ODR4: variants seen among roughly 807,000 people sequenced by gnomAD.
ODR4 encodes the protein protein odr-4 homolog.
ODR4 carries 47 observed loss-of-function variants against 60.2 expected under a neutral mutation model. The observed-to-expected ratio is 0.78, with a 90% CI of 0.62 to 1.00. ODR4 has a LOEUF of 1.00. Ranked by LOEUF, ODR4 falls within the 50% of genes least tolerant of loss-of-function variation. ODR4 has a pLI of 0.00. For synonymous variants in ODR4, 178 were observed against 175.5 expected (o/e 1.01, Z -0.11); for missense variants, 488 against 530.8 (o/e 0.92, Z 0.79).
At chr1:186,411,777 T>A in intron 12 of ODR4, 1 of 639,890 alleles carries the variant, frequency 1.6e-6, no homozygotes, top group Middle Eastern at 7.9e-4. Context: ...TAAAAATTAT[T>A]TACTGTCTAT....
intron 11 of ODR4, among the ~76,000 whole-genome samples, chr1:186,403,100 A>G (rs939179688): frequency 2.6e-5 from 4 of 152,220 alleles, no homozygotes; most frequent in African/African-American, 9.6e-5. Context: ...GCATATTTCA[A>G]ACAGAAATAA....
intron 1 of ODR4, among the ~76,000 whole-genome samples, 161 bp downstream of exon 1, chr1:186,376,135 TTGG>T (rs1270781614): frequency 1.3e-5 from 2 of 152,024 alleles, no homozygotes; most frequent in South Asian, 2.1e-4. Context: ...TAAATGGTTT[TTGG>T]TGGTGGGGAG....
At chr1:186,432,449 AT>A in the ODR4 span, among the ~76,000 whole-genome samples, 1 of 152,112 alleles carries the variant, frequency 6.6e-6, no homozygotes, top group Non-Finnish European at 1.5e-5. Flanking sequence ...CCTGTGTAAA[AT>A]AATGTTTCTT....
chr1:186,407,585 A>G (rs1489126035), intron 12 of ODR4, among the ~76,000 whole-genome samples: 1 of 152,106 alleles, frequency 6.6e-6, no homozygotes, highest in Non-Finnish European at 1.5e-5. Context: ...GGGGATTCAG[A>G]TTCTATTCTT....
At chr1:186,414,663 G>T (rs1360146922) in intron 12 of ODR4, among the ~76,000 whole-genome samples, 1 of 151,934 alleles carries the variant, frequency 6.6e-6, no homozygotes, top group Non-Finnish European at 1.5e-5. Flanking sequence ...GGGACTACAG[G>T]TGCCTGCCAC....
At chr1:186,403,190 A>G (rs1661051233) in intron 11 of ODR4, among the ~76,000 whole-genome samples, 1 of 152,200 alleles carries the variant, frequency 6.6e-6, no homozygotes, top group South Asian at 2.1e-4. Flanking sequence ...TATCAAGATA[A>G]AAGAATACAT....
At chr1:186,393,464 T>C (rs1331284400) in intron 8 of ODR4, among the ~76,000 whole-genome samples, 5 of 152,256 alleles carry the variant, frequency 3.3e-5, no homozygotes, top group African/African-American at 1.2e-4. Context: ...AAGAGGTTTA[T>C]AGAGGCTTCT....
At chr1:186,391,285 A>G (rs1212900324) in intron 7 of ODR4, among the ~76,000 whole-genome samples, 1 of 149,650 alleles carries the variant, frequency 6.7e-6, no homozygotes, top group Non-Finnish European at 1.5e-5. Flanking sequence ...GTATTTCTAT[A>G]CCATTCTTTT....
chr1:186,376,246 A>G (rs1023595151), intron 1 of ODR4, among the ~76,000 whole-genome samples: 1 of 152,166 alleles, frequency 6.6e-6, no homozygotes, highest in South Asian at 2.1e-4. Context: ...AGTGTAGCCT[A>G]TGTTTTAAAT....
chr1:186,408,851 A>G (rs1281983857), intron 12 of ODR4, among the ~76,000 whole-genome samples: 1 of 151,996 alleles, frequency 6.6e-6, no homozygotes. Context: ...GAATAGGAAG[A>G]GAGAGTCATT....
the ODR4 span, among the ~76,000 whole-genome samples, chr1:186,433,887 T>C: frequency 6.6e-6 from 1 of 152,108 alleles, no homozygotes; most frequent in Non-Finnish European, 1.5e-5. Flanking sequence ...CCAGTTGCAG[T>C]GTTTTTAATA....
intron 8 of ODR4, among the ~76,000 whole-genome samples, chr1:186,392,216 G>A (rs1329964806): frequency 6.6e-6 from 1 of 152,204 alleles, no homozygotes; most frequent in African/African-American, 2.4e-5. Context: ...CATTGTGGAA[G>A]GCAGTGTGTT....
At chr1:186,383,705 A>T (rs1177818108) in intron 3 of ODR4, among the ~76,000 whole-genome samples, 2 of 151,076 alleles carry the variant, frequency 1.3e-5, no homozygotes, top group East Asian at 3.9e-4. Flanking sequence ...ATATGGACAT[A>T]TATTTGTGTC....
Position 186,391,786 on chromosome 1 carries a change from G to A in ODR4, c.706G>A (p.Gly236Arg). 6.4e-7 allele frequency: 1 copy of A among 1,558,322 alleles called. No homozygotes were observed. Among genetic ancestry groups the A allele is most frequent in the South Asian group, 1.1e-5 (1 of 87,396 alleles). The change falls in exon 8 of 14, where the codon GGA becomes AGA. Residue 236 changes from glycine to arginine, a missense_variant. By Grantham distance (125) the Gly-to-Arg change is moderately radical (BLOSUM62 -2). Transcript: ENST00000287859. Reference protein sequence around the residue: ...VKDEDCDLLEGQKKSSRGNTQ... With the variant: ...VKDEDCDLLERQKKSSRGNTQ... ...AGATGAAGATTGTGACCTATTAGAA[G>A]GACAGGTAAGTTAAGAGAAAATCAT... is the stretch of plus-strand genomic sequence containing the variant.
Position 186,388,567 on chromosome 1 carries a change from A to G in ODR4, c.437+19A>G, listed in dbSNP as rs1660338688. 1 of 1,395,156 alleles carries G rather than the reference A, an allele frequency of 7.2e-7. No individual in the cohort carries two copies. Among genetic ancestry groups the G allele is most frequent in the Non-Finnish European group, 9.7e-7 (1 of 1,031,334 alleles). 86.4% of individuals were successfully genotyped at this position (1,395,156 alleles called of 1,614,324 possible). ...CAAAAAAGTATCTTTTGTTCAGTTTATGGTTTAAAAGTACAAAGTACCAAA... is the reference window on the plus strand; with the variant it reads ...CAAAAAAGTATCTTTTGTTCAGTTTGTGGTTTAAAAGTACAAAGTACCAAA... On this transcript the variant is annotated intron_variant, in intron 5 of 13. Transcript: ENST00000287859.
chr1:186,412,039 A>G (rs960217858), intron 12 of ODR4: 1 of 157,880 alleles, frequency 6.3e-6, no homozygotes, highest in South Asian at 2.0e-4. Flanking sequence ...TGAAACTTAC[A>G]TGGATCTCAA....
intron 13 of ODR4, among the ~76,000 whole-genome samples, chr1:186,418,307 TTG>T (rs1661658639): frequency 6.8e-6 from 1 of 147,776 alleles, no homozygotes; most frequent in Non-Finnish European, 1.5e-5. Context: ...TTTTTTTTTT[TTG>T]AGACGGAGTC....
chr1:186,416,276 C>T (rs1473235218), intron 12 of ODR4, among the ~76,000 whole-genome samples: 1 of 152,138 alleles, frequency 6.6e-6, no homozygotes, highest in Non-Finnish European at 1.5e-5. Context: ...TGGCTCACAC[C>T]TGTAATCCCA....
At chr1:186,382,249 T>TAAAAA (rs1189752791) in intron 2 of ODR4, among the ~76,000 whole-genome samples, 2 of 79,944 alleles carry the variant, frequency 2.5e-5, no homozygotes, top group Non-Finnish European at 4.9e-5. Context: ...TACAAAAAAG[T>TAAAAA]AAAAAAAAAA....
Sources: allele counts gnomAD v4.1 joint callset (sites outside exome capture counted in the v4.1 genomes callset), GRCh38; gene constraint gnomAD v4.1.1; transcripts MANE v1.5; gene names NCBI Gene and HGNC (gene_info 2026-07-23, HGNC 2026-07-21).